Variants in QKI observed in about 807,000 individuals in gnomAD.
QKI encodes the protein KH domain-containing RNA-binding protein QKI.
QKI carries 10 observed loss-of-function variants against 39.0 expected under a neutral mutation model. The ratio of observed to expected loss-of-function variants is 0.26; its 90% CI spans 0.16 to 0.43. The LOEUF (loss-of-function observed/expected upper bound fraction) is 0.43. Ranked by LOEUF, QKI falls within the 20% of genes least tolerant of loss-of-function variation. The pLI is 1.00. For missense variants in QKI, 218 were observed against 428.0 expected, an observed-to-expected ratio of 0.51 and a Z score of 4.33; for synonymous variants, 204 against 155.4, an observed-to-expected ratio of 1.31 and a Z score of -2.33.
chr6:163,555,095 C>A (rs1430035573), intron 4 of QKI, among the ~76,000 whole-genome samples: 1 of 152,094 alleles, frequency 6.6e-6, no homozygotes, highest in African/African-American at 2.4e-5. Context: ...ATTTGTTATT[C>A]TTCAATTAAA....
chr6:163,570,204 T>G, intron 7 of QKI: 2 of 983,924 alleles, frequency 2.0e-6, no homozygotes, highest in Non-Finnish European at 2.4e-6. Flanking sequence ...TGAATTTCTT[T>G]AGATTCATTT....
chr6:163,468,628 G>A (rs886892450), intron 2 of QKI, among the ~76,000 whole-genome samples: 7 of 152,118 alleles, frequency 4.6e-5, no homozygotes, highest in African/African-American at 1.7e-4. Context: ...ATGCCACTTG[G>A]CAGAAATATA....
intron 4 of QKI, among the ~76,000 whole-genome samples, chr6:163,549,562 A>G (rs1194190635): frequency 2.0e-5 from 3 of 152,072 alleles, no homozygotes; most frequent in African/African-American, 7.3e-5. Context: ...AATACAAAAA[A>G]TTAGTTGGGC....
chr6:163,509,533 G>A (rs933398175), intron 3 of QKI, among the ~76,000 whole-genome samples: 2 of 151,900 alleles, frequency 1.3e-5, no homozygotes, highest in South Asian at 2.1e-4. Context: ...ATGTGTACAC[G>A]TGGACGTATG....
At position 163,525,559 on chromosome 6, in the gene QKI, G is replaced by A. The variant is rs552919442; in HGVS notation, c.403-9423G>A. Among the ~76,000 whole-genome samples, 18 of 152,064 alleles carry A rather than the reference G, an allele frequency of 1.2e-4. No individual in the cohort carries two copies. In the East Asian group the frequency reaches 2.9e-3, roughly 25 times the overall value. On this transcript the variant is annotated intron_variant, in intron 3 of 7. Coordinates refer to ENST00000361752, the MANE Select transcript of QKI (RefSeq NM_006775.3). ...TTTTTAGTAGAGATGGGGTTTTGCC[G>A]TGTCGGCCAGGCTGGTCTCAAACTT...
rs1462034460 is a variant in QKI, at chr6:163,414,948, AGCCGG to A, written c.-243_-239del. 1.8e-4 allele frequency: 30 copies of A among 166,064 alleles called. No individual in the cohort carries two copies. The highest frequency in any genetic ancestry group is 3.0e-4 in the Non-Finnish European group (25 of 84,342). The allele number at this position is 166,064 out of a possible 1,614,324, so 10.3% of individuals were successfully genotyped here. The stretch of plus-strand genomic sequence containing the variant: ...CGCCGGCCTCGTGAGGGACGCGCCG[AGCCGG>A]GCGGCCGAGAGCGGCGGCGGCTGGG... On this transcript the variant is annotated 5_prime_UTR_variant, in exon 1 of 8. Transcript: ENST00000361752.
In QKI at chr6:163,451,197, C is replaced by G. The variant is rs564864309; in HGVS notation, c.143-4082C>G. 2.0e-5 allele frequency among the ~76,000 whole-genome samples: 3 copies of G among 151,570 alleles called. No homozygotes were observed. The South Asian group carries it at 6.2e-4, about 31-fold the overall frequency. ...TAGAGACTTGTCTTAACACCATTAGCAAAATGTCAGCAGTGTGCTGTGTTT... is the reference window on the plus strand; with the variant it reads ...TAGAGACTTGTCTTAACACCATTAGGAAAATGTCAGCAGTGTGCTGTGTTT... On this transcript the variant is annotated intron_variant, in intron 1 of 7. Coordinates refer to ENST00000361752, the MANE Select transcript of QKI (RefSeq NM_006775.3).
chr6:163,574,303 AC>A lies in QKI; in HGVS notation c.*3595del, dbSNP rs1393845601. ...AAAGCAGAGAAACTGTTGATATTTTACCTTTATTTAGATTTTTGTTTTAACT... is the reference window on the plus strand; with the variant it reads ...AAAGCAGAGAAACTGTTGATATTTTACTTTATTTAGATTTTTGTTTTAACT... On this transcript the variant is annotated 3_prime_UTR_variant, in exon 8 of 8. Coordinates refer to ENST00000361752, the MANE Select transcript of QKI (RefSeq NM_006775.3). 1 of 152,140 alleles carries A rather than the reference AC, an allele frequency of 6.6e-6. No individual in the cohort carries two copies. The highest frequency in any genetic ancestry group is 1.5e-5 in the Non-Finnish European group (1 of 68,018). 9.4% of individuals were successfully genotyped at this position (152,140 alleles called of 1,614,324 possible).
chr6:163,542,413 TA>T (rs1306125852), intron 4 of QKI, among the ~76,000 whole-genome samples: 4 of 151,996 alleles, frequency 2.6e-5, no homozygotes, highest in Non-Finnish European at 5.9e-5. Flanking sequence ...ATTATGCTGA[TA>T]TTAAGATTGA....
At chr6:163,456,222 T>C (rs1447606374) in intron 2 of QKI, among the ~76,000 whole-genome samples, 1 of 152,222 alleles carries the variant, frequency 6.6e-6, no homozygotes, top group Non-Finnish European at 1.5e-5. Context: ...AAGCCATCTA[T>C]CTAGCTACTC....
At chr6:163,567,590 T>A in intron 7 of QKI, 1 of 983,154 alleles carries the variant, frequency 1.0e-6, no homozygotes, top group Non-Finnish European at 1.2e-6. Flanking sequence ...ACTTTTATAA[T>A]TTGTGTCCTG....
chr6:163,450,120 T>C (rs555625175), intron 1 of QKI, among the ~76,000 whole-genome samples: 6 of 152,232 alleles, frequency 3.9e-5, no homozygotes, highest in Admixed American at 3.9e-4. Flanking sequence ...TGCAGTGGCA[T>C]GATCTCAGCT....
At chr6:163,517,778 A>C (rs1054372388) in intron 3 of QKI, among the ~76,000 whole-genome samples, 1 of 152,174 alleles carries the variant, frequency 6.6e-6, no homozygotes, top group Non-Finnish European at 1.5e-5. Flanking sequence ...ATCACACCGG[A>C]TAACTAACTT....
intron 3 of QKI, among the ~76,000 whole-genome samples, chr6:163,528,913 T>A (rs1780677618): frequency 1.3e-5 from 2 of 152,218 alleles, no homozygotes; most frequent in Non-Finnish European, 1.5e-5. Context: ...TATTTATATG[T>A]AATTTGCCTG....
At chr6:163,439,351 T>A (rs1789563894) in intron 1 of QKI, among the ~76,000 whole-genome samples, 1 of 148,454 alleles carries the variant, frequency 6.7e-6, no homozygotes, top group Non-Finnish European at 1.5e-5. Context: ...TTTTTTTTTT[T>A]TTTCGGGGGG....
intron 3 of QKI, among the ~76,000 whole-genome samples, chr6:163,499,519 AT>A (rs2128231083): frequency 6.6e-6 from 1 of 152,344 alleles, no homozygotes; most frequent in South Asian, 2.1e-4. Context: ...GATTAAATAT[AT>A]GCTAAAACGT....
intron 1 of QKI, among the ~76,000 whole-genome samples, chr6:163,450,837 T>C (rs1169275468): frequency 6.6e-6 from 1 of 152,154 alleles, no homozygotes; most frequent in Admixed American, 6.5e-5. Flanking sequence ...ATATGCTAAA[T>C]TTGATGGCAT....
chr6:163,500,356 G>A (rs1333462055), intron 3 of QKI, among the ~76,000 whole-genome samples: 6 of 152,110 alleles, frequency 3.9e-5, no homozygotes, highest in Non-Finnish European at 5.9e-5. Flanking sequence ...AGTTGTTGAG[G>A]CAAGAGATGG....
rs554328007 is a variant in QKI, at chr6:163,528,581, C to T, written c.403-6401C>T. On this transcript the variant is annotated intron_variant, in intron 3 of 7. Transcript: ENST00000361752. ...TGTATTTATATTGCTTAGCATTGTC[C>T]TTGGCAAGCAGTGTTTGATAAAAGC... Among the ~76,000 whole-genome samples the T allele has an allele frequency of 1.9e-3, 287 of 152,234 alleles. 1 individual carries two copies. Among genetic ancestry groups the T allele is most frequent in the African/African-American group, 6.4e-3 (265 of 41,550 alleles).
Sources: allele counts gnomAD v4.1 joint callset (sites outside exome capture counted in the v4.1 genomes callset), GRCh38; gene constraint gnomAD v4.1.1; transcripts MANE v1.5; gene names NCBI Gene and HGNC (gene_info 2026-07-23, HGNC 2026-07-21).